The following MMRN1 variants were observed in gnomAD, a reference collection of about 807,000 sequenced individuals.
MMRN1 encodes the protein multimerin-1.
In MMRN1, 94 loss-of-function variants were observed where a neutral mutation model predicts 100.7. That is an observed-to-expected ratio of 0.93 (90% CI 0.79 to 1.11). The LOEUF (loss-of-function observed/expected upper bound fraction) is 1.11. Among genes scored for constraint, MMRN1 ranks in the 50% least tolerant of loss-of-function variants. The pLI is 0.00. For missense variants in MMRN1, 1,606 were observed against 1,439.1 expected (o/e 1.12, Z -1.88); for synonymous variants, 575 against 505.0 (o/e 1.14, Z -1.86).
At chr4:89,881,501 A>G (rs1720813955) in intron 1 of MMRN1, among the ~76,000 whole-genome samples, 1 of 152,040 alleles carries the variant, frequency 6.6e-6, no homozygotes. Flanking sequence ...TATGAATTCT[A>G]ATGTGTGTAT....
chr4:89,885,774 G>A (rs373639839), intron 1 of MMRN1, among the ~76,000 whole-genome samples: 68 of 151,736 alleles, frequency 4.5e-4, no homozygotes, highest in East Asian at 1.4e-3. Flanking sequence ...ATCTCTTCTC[G>A]CTTGTTTTTC....
rs568594840 is a variant in MMRN1 at position 89,927,919 on chromosome 4, A to G, written c.1080A>G (p.Glu360=). The stretch of plus-strand genomic sequence containing the variant: ...TAAGGAACACTTACTCCTCCCTAGA[A>G]GGAAAAGTCAGCGAAGATAAAAGCA... ...NDVRNTYSSL[E]GKVSEDKSRE... The change falls in exon 5 of 8, where the codon GAA becomes GAG. Residue 360 remains glutamate (E), a synonymous_variant. Transcript: ENST00000264790. The G allele has an allele frequency of 1.2e-6, 2 of 1,609,176 alleles. No homozygotes were observed. Among genetic ancestry groups the G allele is most frequent in the Admixed American group, 3.4e-5 (2 of 59,138 alleles).
intron 1 of MMRN1, among the ~76,000 whole-genome samples, chr4:89,886,448 T>C (rs145069069): frequency 8.2e-4 from 125 of 152,296 alleles, no homozygotes; most frequent in South Asian, 3.1e-3. Flanking sequence ...TACTGAGAAA[T>C]AGTTCATGAC....
In MMRN1 at chr4:89,908,820, A is replaced by G. The variant is rs116188992; in HGVS notation, c.624-456A>G. Among the ~76,000 whole-genome samples the G allele has an allele frequency of 9.8e-3, 1,485 of 151,584 alleles. 19 individuals are homozygous for G. The highest frequency in any genetic ancestry group is 0.029 in the African/African-American group (1,195 of 41,472). On this transcript the variant is annotated intron_variant, in intron 1 of 7. Transcript: ENST00000264790. ...CCATTTTGCATTTTGTTTGGTTACAATCATATCCACTGCAGCTAATAACAG... is the reference window on the plus strand; with the variant it reads ...CCATTTTGCATTTTGTTTGGTTACAGTCATATCCACTGCAGCTAATAACAG...
intron 4 of MMRN1, among the ~76,000 whole-genome samples, chr4:89,924,108 T>A (rs1722172464): frequency 6.6e-6 from 1 of 152,226 alleles, no homozygotes; most frequent in Non-Finnish European, 1.5e-5. Flanking sequence ...TATCTTTGAT[T>A]AACGAATACC....
intron 1 of MMRN1, among the ~76,000 whole-genome samples, chr4:89,889,831 T>G (rs563269726): frequency 9.1e-4 from 138 of 152,158 alleles, no homozygotes; most frequent in Non-Finnish European, 1.8e-3. Context: ...CTTCTTCTAC[T>G]TGCAACGAAA....
At chr4:89,880,315 C>T (rs1578454688) in intron 1 of MMRN1, among the ~76,000 whole-genome samples, 1 of 152,086 alleles carries the variant, frequency 6.6e-6, no homozygotes, top group African/African-American at 2.4e-5. Context: ...GATTCTGAGT[C>T]ACTATGTCAC....
At position 89,935,751 on chromosome 4, in the gene MMRN1, A is replaced by G. The variant is rs568205058; in HGVS notation, c.2071A>G (p.Ile691Val). 3.1e-6 allele frequency: 5 copies of G among 1,611,908 alleles called. No homozygotes were observed. The highest frequency in any genetic ancestry group is 3.4e-6 in the Non-Finnish European group (4 of 1,179,332). The change falls in exon 6 of 8, where the codon ATT becomes GTT. Residue 691 changes from isoleucine (I) to valine (V), a missense_variant. By Grantham distance (29) the Ile-to-Val change is conservative. Transcript: ENST00000264790. Reference protein sequence around the residue: ...LTSAVNSLNFIIKELTKRHNL... With the variant: ...LTSAVNSLNFVIKELTKRHNL... ...TAGTGCTGTCAATAGTCTAAATTTT[A>G]TTATCAAAGAACTTACAAAAAGACA...
At chr4:89,940,032 C>G (rs1315762339) in intron 6 of MMRN1, among the ~76,000 whole-genome samples, 1 of 152,184 alleles carries the variant, frequency 6.6e-6, no homozygotes, top group Non-Finnish European at 1.5e-5. Context: ...CATGCTATTT[C>G]TGATTCCTAG....
intron 4 of MMRN1, among the ~76,000 whole-genome samples, chr4:89,926,212 C>T (rs574616892): frequency 1.3e-5 from 2 of 152,134 alleles, no homozygotes; most frequent in Admixed American, 1.3e-4. Flanking sequence ...AACTGTTCTC[C>T]GTAGTGGTTG....
chr4:89,895,602 A>C lies in MMRN1; in HGVS notation c.623+8A>C, dbSNP rs1726212673. 9.3e-6 allele frequency: 15 copies of C among 1,609,868 alleles called. No individual in the cohort carries two copies. The highest frequency in any genetic ancestry group is 1.3e-5 in the Non-Finnish European group (15 of 1,177,762). On this transcript the variant is annotated splice_region_variant and intron_variant, in intron 1 of 7. Transcript: ENST00000264790. Reference sequence around the variant, plus strand: ...CGAAACAACTAGAGGAAAGTAAGAAATCTTCTTTTCTTTTTGTTCTTTCTC... The same window carrying C: ...CGAAACAACTAGAGGAAAGTAAGAACTCTTCTTTTCTTTTTGTTCTTTCTC...
At chr4:89,941,210 G>A (rs768294912) in intron 6 of MMRN1, among the ~76,000 whole-genome samples, 7 of 152,290 alleles carry the variant, frequency 4.6e-5, no homozygotes, top group Non-Finnish European at 4.4e-5. Context: ...GAGTTTAGAT[G>A]TGTTTTAGAA....
chr4:89,914,293 C>A (rs1721846697), intron 3 of MMRN1, among the ~76,000 whole-genome samples: 2 of 151,348 alleles, frequency 1.3e-5, no homozygotes, highest in Non-Finnish European at 3.0e-5. Flanking sequence ...TTATACCCTT[C>A]TTTCTATTTC....
chr4:89,895,112 T>C lies in MMRN1; in HGVS notation c.141T>C (p.Asn47=), dbSNP rs1191536375. 12 of 1,613,668 alleles carry C rather than the reference T, an allele frequency of 7.4e-6. No individual in the cohort carries two copies. Among genetic ancestry groups the C allele is most frequent in the South Asian group, 2.2e-5 (2 of 91,084 alleles). ...KTMPSASVPP[N]KIQSLQILPT... is the part of the protein sequence containing the mutation. ...TGCCTTCTGCTTCAGTTCCTCCAAATAAAATACAAAGTTTGCAAATACTGC... is the reference window on the plus strand; with the variant it reads ...TGCCTTCTGCTTCAGTTCCTCCAAACAAAATACAAAGTTTGCAAATACTGC... Residue 47 remains asparagine, a synonymous_variant, in exon 1 of 8, where the codon AAT becomes AAC. Coordinates refer to ENST00000264790, the MANE Select transcript of MMRN1 (RefSeq NM_007351.3).
chr4:89,905,146 C>A (rs531512948), intron 1 of MMRN1, among the ~76,000 whole-genome samples: 22 of 151,470 alleles, frequency 1.5e-4, no homozygotes, highest in Non-Finnish European at 2.8e-4. Context: ...TATGTTTTCC[C>A]ACTTATCACT....
chr4:89,914,707 A>T (rs1404015003), intron 3 of MMRN1, among the ~76,000 whole-genome samples: 1 of 151,530 alleles, frequency 6.6e-6, no homozygotes, highest in Non-Finnish European at 1.5e-5. Context: ...ATTTTGTGAT[A>T]TGGTATTCAA....
chr4:89,952,541 A>G (rs1296360096), intron 7 of MMRN1, among the ~76,000 whole-genome samples: 1 of 152,170 alleles, frequency 6.6e-6, no homozygotes, highest in Non-Finnish European at 1.5e-5. Context: ...ATATGACTTT[A>G]TATGGTTTTC....
intron 6 of MMRN1, among the ~76,000 whole-genome samples, chr4:89,950,696 G>A (rs1723137556): frequency 6.6e-6 from 1 of 151,766 alleles, no homozygotes; most frequent in South Asian, 2.1e-4. Context: ...TGATCTGTAA[G>A]TGAAGACCAT....
chr4:89,936,925 T>C, intron 6 of MMRN1, 127 bp downstream of exon 6: 1 of 787,232 alleles, frequency 1.3e-6, no homozygotes, highest in Non-Finnish European at 1.9e-6. Flanking sequence ...GATAGTCAAG[T>C]TGTGAAGATC....
Sources: allele counts gnomAD v4.1 joint callset (sites outside exome capture counted in the v4.1 genomes callset), GRCh38; gene constraint gnomAD v4.1.1; transcripts MANE v1.5; gene names NCBI Gene and HGNC (gene_info 2026-07-23, HGNC 2026-07-21).